The following MKNK2 variants were observed in gnomAD, a reference collection of about 807,000 sequenced individuals.
MKNK2 encodes MAP kinase-interacting serine/threonine-protein kinase 2.
A neutral mutation model predicts 55.0 loss-of-function variants in MKNK2; 54 were observed. That is an observed-to-expected ratio of 0.98 (90% CI 0.79 to 1.23). MKNK2 has a LOEUF of 1.23. Among genes scored for constraint, MKNK2 ranks in the 50% most tolerant of loss-of-function variants. The pLI, the probability that MKNK2 is intolerant of heterozygous loss-of-function variation, is 0.00. For synonymous variants in MKNK2, 323 were observed against 256.0 expected (o/e 1.26, Z -2.50); for missense variants, 685 against 632.1 (o/e 1.08, Z -0.90).
intron 2 of MKNK2, among the ~76,000 whole-genome samples, chr19:2,048,355 G>A (rs192218043): frequency 1.6e-4 from 24 of 152,286 alleles, no homozygotes; most frequent in East Asian, 3.9e-4. Flanking sequence ...ACATATGTAC[G>A]TTTCCACAGA....
In MKNK2 at chr19:2,046,620, C is replaced by T. The variant is rs1190824587; in HGVS notation, c.123G>A (p.Gln41=). The change falls in exon 3 of 14, where the codon CAG becomes CAA. Residue 41 remains glutamine (Q), a synonymous_variant. Transcript: ENST00000250896. ...PDHGDSDFGL[Q]CSARPDMPAS... Reference sequence around the variant, plus strand: ...GCCCCTCACCAGGGCGGGCTGAGCACTGCAGGCCAAAGTCAGAGTCTCCGT... The same window carrying T: ...GCCCCTCACCAGGGCGGGCTGAGCATTGCAGGCCAAAGTCAGAGTCTCCGT... 2 of 1,569,278 alleles carry T rather than the reference C, an allele frequency of 1.3e-6. No individual in the cohort carries two copies. Among genetic ancestry groups the T allele is most frequent in the Non-Finnish European group, 8.6e-7 (1 of 1,158,370 alleles).
Position 2,050,820 on chromosome 19 carries a change from C to G in MKNK2, c.32G>C (p.Gly11Ala). The G allele has an allele frequency of 6.5e-7, 1 of 1,537,842 alleles. No individual in the cohort carries two copies. The highest frequency in any genetic ancestry group is 8.8e-7 in the Non-Finnish European group (1 of 1,141,944). The stretch of plus-strand genomic sequence containing the variant: ...CCTCACCTTGAACGAACGGTGGAAA[C>G]CCTGAAGTTCGGCTGGTTTCTTCTG... Reference protein sequence around the residue: MVQKKPAELQGFHRSFKGQNP... With the variant: MVQKKPAELQAFHRSFKGQNP... Residue 11 changes from glycine (G) to alanine (A), a missense_variant, in exon 2 of 14, where the codon GGT becomes GCT. Gly to Ala is a moderately conservative substitution (Grantham distance 60). Coordinates refer to ENST00000250896, the MANE Select transcript of MKNK2 (RefSeq NM_199054.3).
At chr19:2,048,109 T>C (rs576640122) in intron 2 of MKNK2, among the ~76,000 whole-genome samples, 2 of 152,036 alleles carry the variant, frequency 1.3e-5, no homozygotes, top group Admixed American at 6.5e-5. Context: ...ACTCTCCCAT[T>C]TCAGTGCCAG....
chr19:2,046,808 C>T (rs1312261612), intron 2 of MKNK2, 117 bp from the exon 3 acceptor site: 16 of 782,252 alleles, frequency 2.0e-5, no homozygotes, highest in African/African-American at 1.8e-5. Context: ...CTGAGCATTA[C>T]GGAAAAATCA....
chr19:2,039,317 C>T lies in MKNK2; in HGVS notation c.*296G>A. 7.8e-7 allele frequency: 1 copy of T among 1,276,324 alleles called. No homozygotes were observed. The highest frequency in any genetic ancestry group is 9.9e-7 in the Non-Finnish European group (1 of 1,006,476). 79.1% of individuals were successfully genotyped at this position (1,276,324 alleles called of 1,614,324 possible). ...GGGGCACCTTCATAGTAGAGGTGAG[C>T]AGGGCGGGGGACCGGGGAGGGGACA... On this transcript the variant is annotated 3_prime_UTR_variant, in exon 14 of 14. Coordinates refer to ENST00000250896, the MANE Select transcript of MKNK2 (RefSeq NM_199054.3).
chr19:2,048,320 C>G (rs1445184284), intron 2 of MKNK2, among the ~76,000 whole-genome samples: 1 of 152,168 alleles, frequency 6.6e-6, no homozygotes. Context: ...AGGCTTTGCC[C>G]AGCCCCCGTG....
Position 2,039,379 on chromosome 19 carries a change from G to A in MKNK2, c.*234C>T. On this transcript the variant is annotated 3_prime_UTR_variant, in exon 14 of 14. Transcript: ENST00000250896. Reference sequence around the variant, plus strand: ...CTACCCTCTGCTCACCTTCCCGGGTGCCTGCAATGCTTTTAACCATCCAAA... The same window carrying A: ...CTACCCTCTGCTCACCTTCCCGGGTACCTGCAATGCTTTTAACCATCCAAA... 2.9e-6 allele frequency: 4 copies of A among 1,386,062 alleles called. No individual in the cohort carries two copies. Among genetic ancestry groups the A allele is most frequent in the Middle Eastern group, 2.7e-4 (1 of 3,694 alleles). 85.9% of individuals were successfully genotyped at this position (1,386,062 alleles called of 1,614,324 possible).
chr19:2,051,041 C>T, intron 1 of MKNK2, 55 bp downstream of exon 1: 1 of 361,750 alleles, frequency 2.8e-6, no homozygotes, highest in Non-Finnish European at 4.9e-6. Flanking sequence ...TCCGCGGGGC[C>T]CGTTTCCCGC....
chr19:2,047,537 C>T (rs1256543939), intron 2 of MKNK2, among the ~76,000 whole-genome samples: 16 of 152,246 alleles, frequency 1.1e-4, no homozygotes, highest in South Asian at 4.1e-4. Context: ...AGAATGGGGA[C>T]GGCTGACCTC....
chr19:2,042,207 C>T, intron 10 of MKNK2, 173 bp from the exon 11 acceptor site: 1 of 728,440 alleles, frequency 1.4e-6, no homozygotes. Context: ...GCAGAGCTCG[C>T]CCCTCCCCCG....
rs11556609 is a variant in MKNK2, at chr19:2,042,011, G to A, written c.774C>T (p.Ala258=). 172 of 1,535,144 alleles carry A rather than the reference G, an allele frequency of 1.1e-4. No homozygotes were observed. The highest frequency in any genetic ancestry group is 5.0e-4 in the South Asian group (41 of 82,468). ...CGCTGAAGGCCTCCACTACCTCCGG[G>A]GCCATGTACTCCGCCGAGCCGCACT... is the stretch of plus-strand genomic sequence containing the variant. ...LTPCGSAEYM[A]PEVVEAFSEE... The change falls in exon 11 of 14, where the codon GCC becomes GCT. Residue 258 remains alanine, a synonymous_variant. Coordinates refer to ENST00000250896, the MANE Select transcript of MKNK2 (RefSeq NM_199054.3).
intron 2 of MKNK2, among the ~76,000 whole-genome samples, chr19:2,049,490 G>A (rs1010637301): frequency 1.3e-5 from 2 of 152,192 alleles, no homozygotes; most frequent in Non-Finnish European, 2.9e-5. Context: ...TCCCAGCCAG[G>A]CTGCCCTGGC....
intron 5 of MKNK2, among the ~76,000 whole-genome samples, chr19:2,043,961 GTGAGAC>G (rs1290052702): frequency 8.4e-6 from 1 of 119,498 alleles, no homozygotes; most frequent in African/African-American, 3.3e-5. Context: ...TGGTGACAGA[GTGAGAC>G]TTCGCCTCAA....
rs184695933 is a variant in MKNK2, at chr19:2,043,061, A to T, written c.493+63T>A. 3 of 1,437,944 alleles carry T rather than the reference A, an allele frequency of 2.1e-6. No individual in the cohort carries two copies. The Admixed American group carries it at 5.1e-5, about 24-fold the overall frequency. 89.1% of individuals were successfully genotyped at this position (1,437,944 alleles called of 1,614,324 possible). A position where few individuals can be genotyped will look rare whatever the true frequency, so the allele number is the denominator to read the frequency against. The stretch of plus-strand genomic sequence containing the variant: ...CAAGCCCCCTCCTGCAGGTGGCACT[A>T]GGCCCCCATCCCGTAATACCTCCCA... On this transcript the variant is annotated intron_variant, in intron 7 of 13. Transcript: ENST00000250896.
rs1187635254 is a variant in MKNK2 at position 2,041,338 on chromosome 19, G to C, written c.946-134C>G. 20 of 870,660 alleles carry C rather than the reference G, an allele frequency of 2.3e-5. No individual in the cohort carries two copies. The East Asian group carries it at 4.4e-4, about 19-fold the overall frequency. The allele number at this position is 870,660 out of a possible 1,614,324, so 53.9% of individuals were successfully genotyped here. ...ACCACGCACGCCTGGGGCAGAGGGG[G>C]CTGGGAGCCGGACCAGGAGAGTCAG... On this transcript the variant is annotated intron_variant, in intron 11 of 13. Transcript: ENST00000250896.
In MKNK2 at chr19:2,039,451, A is replaced by G; in HGVS notation, c.*162T>C. 7.1e-7 allele frequency: 1 copy of G among 1,403,042 alleles called. No individual in the cohort carries two copies. The highest frequency in any genetic ancestry group is 9.3e-7 in the Non-Finnish European group (1 of 1,080,072). The allele number at this position is 1,403,042 out of a possible 1,614,324, so 86.9% of individuals were successfully genotyped here. ...TGGAAACAGGAAAAAAAAAACCCAA[A>G]AGCAAAAACCTTCTATAAAACACCC... On this transcript the variant is annotated 3_prime_UTR_variant, in exon 14 of 14. Transcript: ENST00000250896.
chr19:2,040,553 G>A (rs952836827), intron 12 of MKNK2: 5 of 302,288 alleles, frequency 1.7e-5, no homozygotes, highest in Non-Finnish European at 3.1e-5. Flanking sequence ...CCAGCCCCTC[G>A]CCTGGGGACA....
Position 2,041,132 on chromosome 19 carries a change from CGCA to C in MKNK2, c.1015_1017del (p.Cys339del). The C allele has an allele frequency of 6.2e-7, 1 of 1,614,008 alleles. No individual in the cohort carries two copies. Among genetic ancestry groups the C allele is most frequent in the Non-Finnish European group, 8.5e-7 (1 of 1,179,944 alleles). On this transcript the variant is annotated inframe_deletion, in exon 12 of 14. Coordinates refer to ENST00000250896, the MANE Select transcript of MKNK2 (RefSeq NM_199054.3). ...AGCTTGGAGATGAGGTCTTTGGCAG[CGCA>C]GGAGATGTGGGCCCAGTCCTTGTCG...
intron 12 of MKNK2, chr19:2,040,656 C>T (rs2016857134): frequency 3.3e-6 from 1 of 299,062 alleles, no homozygotes. Context: ...ACACCCGACT[C>T]CTCCTCGACT....
Sources: allele counts gnomAD v4.1 joint callset (sites outside exome capture counted in the v4.1 genomes callset), GRCh38; gene constraint gnomAD v4.1.1; transcripts MANE v1.5; gene names NCBI Gene and HGNC (gene_info 2026-07-23, HGNC 2026-07-21).